TLL1: variants seen among roughly 807,000 people sequenced by gnomAD.
TLL1 encodes the protein tolloid-like protein 1.
Under a neutral mutation model 128.2 loss-of-function variants are expected in TLL1, and 49 were observed. The observed-to-expected ratio is 0.38, with a 90% CI of 0.30 to 0.48. The LOEUF (loss-of-function observed/expected upper bound fraction) is 0.48, where lower values mean the gene tolerates loss of function less well. TLL1 is among the 20% of genes least tolerant of loss of function. TLL1 has a pLI of 0.96. For missense variants in TLL1, 1,123 were observed against 1,242.0 expected, an observed-to-expected ratio of 0.90 and a Z score of 1.44; for synonymous variants, 454 against 418.8, an observed-to-expected ratio of 1.08 and a Z score of -1.03.
chr4:165,992,255 T>G (rs947452258), intron 2 of TLL1, among the ~76,000 whole-genome samples: 1 of 152,078 alleles, frequency 6.6e-6, no homozygotes, highest in Non-Finnish European at 1.5e-5. Flanking sequence ...ACGTTTTTGA[T>G]TTCTATAAAT....
chr4:166,085,829 A>T (rs1741485003), intron 18 of TLL1, among the ~76,000 whole-genome samples: 1 of 152,258 alleles, frequency 6.6e-6, no homozygotes, highest in South Asian at 2.1e-4. Context: ...AGCAAGGAAA[A>T]GAAAATTGTC....
chr4:166,095,631 G>A (rs2111163331), intron 19 of TLL1, among the ~76,000 whole-genome samples: 1 of 152,068 alleles, frequency 6.6e-6, no homozygotes, highest in East Asian at 1.9e-4. Flanking sequence ...CAATTAAATT[G>A]GAATGTTCAC....
At chr4:165,962,514 A>G (rs1735157564) in intron 1 of TLL1, among the ~76,000 whole-genome samples, 1 of 152,122 alleles carries the variant, frequency 6.6e-6, no homozygotes, top group African/African-American at 2.4e-5. Flanking sequence ...CAGTTTGGAG[A>G]TTTCTCGAAG....
At chr4:166,030,646 T>G in intron 9 of TLL1, 1 of 791,962 alleles carries the variant, frequency 1.3e-6, no homozygotes, top group Non-Finnish European at 1.7e-6. Context: ...TACAGTCTTA[T>G]ATGTAGGTTT....
intron 1 of TLL1, among the ~76,000 whole-genome samples, chr4:165,906,117 G>C (rs973436123): frequency 1.3e-5 from 2 of 152,072 alleles, no homozygotes; most frequent in African/African-American, 4.8e-5. Flanking sequence ...ATTCTATTTT[G>C]TATTGTCTAT....
At chr4:166,037,905 G>T (rs1241484678) in intron 9 of TLL1, among the ~76,000 whole-genome samples, 1 of 150,742 alleles carries the variant, frequency 6.6e-6, no homozygotes, top group Non-Finnish European at 1.5e-5. Flanking sequence ...TTCTTTCTTT[G>T]TTACTAGGAA....
Position 166,059,948 on chromosome 4 carries a change from G to C in TLL1, c.1847-80G>C, listed in dbSNP as rs572688034. The C allele has an allele frequency of 1.3e-4, 190 of 1,519,720 alleles. No individual in the cohort carries two copies. The African/African-American group carries it at 2.4e-3, about 19-fold the overall frequency. The allele number at this position is 1,519,720 out of a possible 1,614,324, so 94.1% of individuals were successfully genotyped here. A position where few individuals can be genotyped will look rare whatever the true frequency, so the allele number is the denominator to read the frequency against. On this transcript the variant is annotated intron_variant, in intron 14 of 20. Coordinates refer to ENST00000061240, the MANE Select transcript of TLL1 (RefSeq NM_012464.5). The stretch of plus-strand genomic sequence containing the variant: ...GTTGAAATTTAGTGCTGAGATGTTT[G>C]GGTATTAATTAATGGACAGGTGCTA...
At chr4:166,029,234 T>C (rs1738641711) in intron 9 of TLL1, among the ~76,000 whole-genome samples, 4 of 152,038 alleles carry the variant, frequency 2.6e-5, no homozygotes, top group Admixed American at 2.6e-4. Context: ...TTTGGTACTC[T>C]CTACCAGCTT....
chr4:165,945,557 GA>G (rs1315680740), intron 1 of TLL1, among the ~76,000 whole-genome samples: 5 of 152,008 alleles, frequency 3.3e-5, no homozygotes, highest in Non-Finnish European at 7.4e-5. Context: ...TTTAAAATTT[GA>G]AATGATAAAG....
At chr4:165,900,365 G>A (rs1380545472) in intron 1 of TLL1, among the ~76,000 whole-genome samples, 1 of 152,068 alleles carries the variant, frequency 6.6e-6, no homozygotes, top group African/African-American at 2.4e-5. Context: ...TTTTGCAGTG[G>A]CTGGTACCAG....
chr4:165,952,147 AT>A (rs1420362055), intron 1 of TLL1, among the ~76,000 whole-genome samples: 1 of 152,138 alleles, frequency 6.6e-6, no homozygotes. Flanking sequence ...TCACCAAATT[AT>A]TCTTACAAAC....
At chr4:166,053,801 T>TTTGATAC (rs1205378565) in intron 12 of TLL1, among the ~76,000 whole-genome samples, 1 of 152,146 alleles carries the variant, frequency 6.6e-6, no homozygotes, top group Non-Finnish European at 1.5e-5. Flanking sequence ...ATTGACAACA[T>TTTGATAC]TTGATACTTT....
chr4:165,968,821 T>A (rs1045224289), intron 1 of TLL1, among the ~76,000 whole-genome samples: 3 of 152,218 alleles, frequency 2.0e-5, no homozygotes, highest in African/African-American at 7.2e-5. Flanking sequence ...ATTCTGTGAT[T>A]GTAGCAATAG....
intron 15 of TLL1, 55 bp downstream of exon 15, chr4:166,060,243 C>G: frequency 6.5e-7 from 1 of 1,528,366 alleles, no homozygotes; most frequent in South Asian, 1.1e-5. Context: ...TCCCTGAAGG[C>G]AAACTGTGAA....
chr4:166,020,335 T>C (rs562144866), intron 8 of TLL1, among the ~76,000 whole-genome samples: 1 of 138,036 alleles, frequency 7.2e-6, no homozygotes, highest in African/African-American at 3.5e-5. Context: ...TTCCATGTAC[T>C]GTGACAACAG....
At chr4:165,911,007 C>T (rs1732503054) in intron 1 of TLL1, among the ~76,000 whole-genome samples, 1 of 152,128 alleles carries the variant, frequency 6.6e-6, no homozygotes, top group African/African-American at 2.4e-5. Context: ...ATATCCATCA[C>T]TTTGAGCATT....
At chr4:165,911,485 G>A (rs1732524386) in intron 1 of TLL1, among the ~76,000 whole-genome samples, 2 of 152,126 alleles carry the variant, frequency 1.3e-5, no homozygotes, top group South Asian at 2.1e-4. Context: ...GATGAGAATA[G>A]TCTAAGCCTA....
intron 1 of TLL1, among the ~76,000 whole-genome samples, chr4:165,899,918 A>C (rs1731888737): frequency 6.6e-6 from 1 of 152,114 alleles, no homozygotes; most frequent in African/African-American, 2.4e-5. Flanking sequence ...GGGTGTATAT[A>C]TATTTAGGAT....
chr4:166,027,245 G>T (rs1214764054), intron 9 of TLL1, among the ~76,000 whole-genome samples: 1 of 152,032 alleles, frequency 6.6e-6, no homozygotes, highest in African/African-American at 2.4e-5. Flanking sequence ...CTAGATGGGG[G>T]AGCCTGAAAA....
Sources: gnomAD v4.1 joint callset for allele counts (sites outside exome capture counted in the v4.1 genomes callset) on GRCh38, gnomAD v4.1.1 for gene constraint, MANE v1.5 for transcripts, NCBI Gene and HGNC (gene_info 2026-07-23, HGNC 2026-07-21) for gene names.